PDXDC1: variants seen among roughly 807,000 people sequenced by gnomAD.
PDXDC1 encodes the protein pyridoxal-dependent decarboxylase domain-containing protein 1.
Under a neutral mutation model 100.1 loss-of-function variants are expected in PDXDC1, and 42 were observed. The ratio of observed to expected loss-of-function variants is 0.42; its 90% CI spans 0.33 to 0.54. The LOEUF is 0.54. PDXDC1 is among the 20% of genes least tolerant of loss of function. The probability of loss-of-function intolerance (pLI) is 0.10; values close to 1 mark genes in which losing one functional copy is unlikely to be tolerated. For synonymous variants in PDXDC1, 260 were observed against 371.7 expected, an observed-to-expected ratio of 0.70 and a Z score of 3.46; for missense variants, 636 against 979.2, an observed-to-expected ratio of 0.65 and a Z score of 4.68.
chr16:15,090,579 C>G (rs1281809083), intron 16 of PDXDC1, among the ~76,000 whole-genome samples: 2 of 152,244 alleles, frequency 1.3e-5, no homozygotes, highest in East Asian at 3.8e-4. Flanking sequence ...CAGAGCAACA[C>G]AGCAAGACCA....
the PDXDC1 span, among the ~76,000 whole-genome samples, chr16:15,145,044 C>A: frequency 3.5e-4 from 54 of 152,184 alleles, no homozygotes; most frequent in Admixed American, 3.5e-3. Context: ...AGGTGCTGCA[C>A]TGACCTTATG....
chr16:15,144,579 G>A, the PDXDC1 span, among the ~76,000 whole-genome samples: 355 of 152,256 alleles, frequency 2.3e-3, 1 homozygote, highest in African/African-American at 8.2e-3. Flanking sequence ...TCCCGGACAC[G>A]GGGTGTGAGA....
intron 16 of PDXDC1, chr16:15,136,754 G>A (rs1298109375): frequency 1.3e-6 from 2 of 1,584,918 alleles, no homozygotes; most frequent in Non-Finnish European, 1.7e-6. Flanking sequence ...TGCACCGCTG[G>A]AGACCGGTGG....
At chr16:15,021,251 C>T (rs1175318958) in intron 12 of PDXDC1, among the ~76,000 whole-genome samples, 1 of 152,240 alleles carries the variant, frequency 6.6e-6, no homozygotes, top group East Asian at 1.9e-4. Flanking sequence ...GTGGCACACA[C>T]CTGTGATCCC....
downstream of PDXDC1, chr16:15,038,351 G>GA: frequency 1.5e-6 from 1 of 651,886 alleles, no homozygotes; most frequent in South Asian, 2.2e-5. Context: ...GAATTAGTAA[G>GA]AAAAAAGTTG....
At chr16:15,127,437 C>G in intron 16 of PDXDC1, 1 of 1,517,282 alleles carries the variant, frequency 6.6e-7, no homozygotes, top group Non-Finnish European at 8.9e-7. Flanking sequence ...AGGCTCCATT[C>G]CCAGTACTCC....
chr16:15,051,331 A>G (rs1415668416), intron 16 of PDXDC1, among the ~76,000 whole-genome samples: 2 of 152,240 alleles, frequency 1.3e-5, no homozygotes, highest in African/African-American at 2.4e-5. Flanking sequence ...CCAGAAAACT[A>G]AAACAGTAGA....
rs2043106861 is a variant in PDXDC1 at position 15,032,150 on chromosome 16, T to G, written c.1571+244T>G. 4 of 549,292 alleles carry G rather than the reference T, an allele frequency of 7.3e-6. No individual in the cohort carries two copies. The Admixed American group carries it at 1.2e-4, about 17-fold the overall frequency. The allele number at this position is 549,292 out of a possible 1,614,324, so 34.0% of individuals were successfully genotyped here. On this transcript the variant is annotated intron_variant, in intron 17 of 22. Coordinates refer to ENST00000396410, the MANE Select transcript of PDXDC1 (RefSeq NM_015027.4). Reference sequence around the variant, plus strand: ...CTGTAGGTGCCGACTCTCAGCTACCTAGGAGAAGATGCCAACAGGTATATA... The same window carrying G: ...CTGTAGGTGCCGACTCTCAGCTACCGAGGAGAAGATGCCAACAGGTATATA...
rs907222956 is a variant in PDXDC1 at position 15,112,181 on chromosome 16, C to A, written c.1400-26698C>A. Among the ~76,000 whole-genome samples the A allele has an allele frequency of 2.0e-5, 3 of 148,886 alleles. 1 individual carries two copies. The highest frequency in any genetic ancestry group is 4.5e-5 in the Non-Finnish European group (3 of 66,568). ...CTAAAATGCAAAGCAAATCCCATCT[C>A]AGATGTGGGTCAGATACCTATGAAT... On this transcript the variant is annotated intron_variant, in intron 16 of 16. Transcript: ENST00000535621.
chr16:15,052,189 A>T (rs2044319541), intron 16 of PDXDC1, among the ~76,000 whole-genome samples: 1 of 152,208 alleles, frequency 6.6e-6, no homozygotes, highest in Admixed American at 6.5e-5. Context: ...TGTTATTATG[A>T]AGTGAAAGCA....
At position 15,091,427 on chromosome 16, in the gene PDXDC1, C is replaced by T. The variant is rs549369699; in HGVS notation, c.1400-47452C>T. The T allele has an allele frequency of 2.4e-6, 3 of 1,225,480 alleles. No individual in the cohort carries two copies. The African/African-American group carries it at 4.5e-5, about 18-fold the overall frequency. 75.9% of individuals were successfully genotyped at this position (1,225,480 alleles called of 1,614,324 possible). A position where few individuals can be genotyped will look rare whatever the true frequency, so the allele number is the denominator to read the frequency against. Reference sequence around the variant, plus strand: ...GCTTTTGTTTCCTGTTTAGTATCAACAGCAAGACTTTTAACCGTACTTTAA... The same window carrying T: ...GCTTTTGTTTCCTGTTTAGTATCAATAGCAAGACTTTTAACCGTACTTTAA... On this transcript the variant is annotated intron_variant, in intron 16 of 16. Transcript: ENST00000535621.
intron 16 of PDXDC1, chr16:15,137,269 G>A (rs995678681): frequency 1.0e-4 from 82 of 798,106 alleles, no homozygotes; most frequent in Middle Eastern, 3.6e-4. Flanking sequence ...CAGGGAAGAC[G>A]TGCTGGAGGA....
intron 1 of PDXDC1, among the ~76,000 whole-genome samples, chr16:14,985,060 AG>A (rs1969013816): frequency 1.3e-5 from 2 of 151,420 alleles, no homozygotes; most frequent in South Asian, 4.2e-4. Flanking sequence ...TTTTTAGTAG[AG>A]ATGGATGGGG....
At chr16:15,018,114 T>C (rs1567682644) in intron 11 of PDXDC1, among the ~76,000 whole-genome samples, 2 of 151,636 alleles carry the variant, frequency 1.3e-5, no homozygotes, top group Non-Finnish European at 2.9e-5. Flanking sequence ...TTAATCGTAG[T>C]TGTGGGCCAG....
intron 16 of PDXDC1, chr16:15,063,355 T>C (rs2044799764): frequency 2.8e-6 from 3 of 1,090,076 alleles, no homozygotes; most frequent in Non-Finnish European, 2.8e-6. Flanking sequence ...TTGGATCTTT[T>C]CTCACAAGAT....
chr16:15,008,954 G>A, intron 7 of PDXDC1, 107 bp downstream of exon 7: 1 of 1,069,360 alleles, frequency 9.4e-7, no homozygotes, highest in Non-Finnish European at 1.4e-6. Flanking sequence ...ACTTACTCAT[G>A]TATTGCTTGG....
intron 3 of PDXDC1, among the ~76,000 whole-genome samples, chr16:14,999,268 T>C (rs1456142601): frequency 2.6e-5 from 4 of 152,282 alleles, no homozygotes; most frequent in African/African-American, 7.2e-5. Flanking sequence ...GGTTTCACCA[T>C]GTTGGCCAGG....
At chr16:14,989,834 C>T (rs1970318702) in intron 1 of PDXDC1, 1 of 1,533,696 alleles carries the variant, frequency 6.5e-7, no homozygotes, top group Non-Finnish European at 8.7e-7. Context: ...CCCCGGGAGT[C>T]ACCCACAGCC....
In PDXDC1 at chr16:15,034,322, A is replaced by C; in HGVS notation, c.1849A>C (p.Ile617Leu). 6.2e-7 allele frequency: 1 copy of C among 1,613,430 alleles called. No homozygotes were observed. The highest frequency in any genetic ancestry group is 8.5e-7 in the Non-Finnish European group (1 of 1,179,936). ...ENMTEVVRKG[I>L]QEAQVELQKA... ...CATGACAGAAGTGGTTCGGAAAGGC[A>C]TTCAGGAAGCTCAAGTGGAGCTGCA... Residue 617 changes from isoleucine (I) to leucine (L), a missense_variant, in exon 20 of 23, where the codon ATT becomes CTT. Ile to Leu is a conservative substitution (Grantham distance 5). This residue lies in a region of PDXDC1 where 452 missense variants were observed against 402.9 expected (regional missense o/e 1.12). Coordinates refer to ENST00000396410, the MANE Select transcript of PDXDC1 (RefSeq NM_015027.4).
Sources: gnomAD v4.1 joint callset for allele counts (sites outside exome capture counted in the v4.1 genomes callset) on GRCh38, gnomAD v4.1.1 for gene constraint, gnomAD v4.1.1 regional missense constraint, MANE v1.5 for transcripts, NCBI Gene and HGNC (gene_info 2026-07-23, HGNC 2026-07-21) for gene names.